The following DNAI7 variants were observed in gnomAD, a reference collection of about 807,000 sequenced individuals.
DNAI7 encodes the protein dynein axonemal intermediate chain 7, also known as cancer susceptibility 1.
In DNAI7, 78 loss-of-function variants were observed where a neutral mutation model predicts 86.6. The observed-to-expected ratio is 0.90, with a 90% confidence interval of 0.75 to 1.09. The LOEUF is 1.09. Among genes scored for constraint, DNAI7 ranks in the 50% least tolerant of loss-of-function variants. The pLI is 0.00. For synonymous variants in DNAI7, 274 were observed against 273.0 expected, an observed-to-expected ratio of 1.00 and a Z score of -0.04; for missense variants, 753 against 810.2, an observed-to-expected ratio of 0.93 and a Z score of 0.86.
rs1555181007 is a variant in DNAI7, at chr12:25,173,965, T to TATGGAATACATATATCATATAC, written c.22-12790_22-12769dup. Among the ~76,000 whole-genome samples the TATGGAATACATATATCATATAC allele has an allele frequency of 7.7e-5, 11 of 143,568 alleles. No homozygotes were observed. In the South Asian group the frequency reaches 1.3e-3, roughly 16 times the overall value. 94.2% of individuals were successfully genotyped at this position (143,568 alleles called of 152,430 possible). On this transcript the variant is annotated intron_variant, in intron 2 of 15. Transcript: ENST00000395987. ...ATATATGGAATACATATATCATATA[T>TATGGAATACATATATCATATAC]ATGGAATACATATATCATATACATG...
intron 1 of DNAI7, among the ~76,000 whole-genome samples, chr12:25,192,081 T>G (rs553977818): frequency 6.6e-5 from 10 of 152,358 alleles, no homozygotes; most frequent in African/African-American, 2.2e-4. Flanking sequence ...AGATATTAAT[T>G]AATGATTTAC....
At chr12:25,134,767 T>C (rs1943346228) in intron 9 of DNAI7, among the ~76,000 whole-genome samples, 1 of 152,174 alleles carries the variant, frequency 6.6e-6, no homozygotes, top group South Asian at 2.1e-4. Flanking sequence ...AAACTGGATG[T>C]AGTTAAACTC....
In DNAI7 at chr12:25,119,405, G is replaced by A. The variant is rs568745132; in HGVS notation, c.1240-104C>T. ...ATAGTTATTTTTAATAAGCACTGCA[G>A]TTTGATCCTATTTATATATAGATTA... On this transcript the variant is annotated intron_variant, in intron 11 of 15. Transcript: ENST00000395987. 54 of 633,588 alleles carry A rather than the reference G, an allele frequency of 8.5e-5. No individual in the cohort carries two copies. In the East Asian group the frequency reaches 1.3e-3, roughly 15 times the overall value. 39.2% of individuals were successfully genotyped at this position (633,588 alleles called of 1,614,324 possible).
intron 11 of DNAI7, among the ~76,000 whole-genome samples, chr12:25,120,672 C>T (rs10842473): frequency 6.6e-6 from 1 of 151,870 alleles, no homozygotes; most frequent in Non-Finnish European, 1.5e-5. Context: ...TTGCAGTGAG[C>T]CAAGACAGCG....
At chr12:25,163,477 ACC>A (rs1947069174) in intron 2 of DNAI7, among the ~76,000 whole-genome samples, 1 of 152,040 alleles carries the variant, frequency 6.6e-6, no homozygotes, top group Non-Finnish European at 1.5e-5. Flanking sequence ...ATTTTCCTTT[ACC>A]TACGCAAATC....
At chr12:25,135,167 G>A (rs1007218217) in intron 9 of DNAI7, among the ~76,000 whole-genome samples, 5 of 152,176 alleles carry the variant, frequency 3.3e-5, no homozygotes, top group Non-Finnish European at 5.9e-5. Flanking sequence ...AGTGTGAGGG[G>A]GGATAATCTG....
downstream of DNAI7, chr12:25,108,248 C>A: frequency 1.6e-6 from 1 of 619,792 alleles, no homozygotes; most frequent in Non-Finnish European, 2.7e-6. Flanking sequence ...AGAAGTCTGC[C>A]TATGATCTTT....
In DNAI7 at chr12:25,151,455, C is replaced by A. The variant is rs3809141; in HGVS notation, c.439-1681G>T. Reference sequence around the variant, plus strand: ...CTTTCCTATTGTTGTGATTACTCCCCTCTTCTGTCTCCTGTGTTATTGAAC... The same window carrying A: ...CTTTCCTATTGTTGTGATTACTCCCATCTTCTGTCTCCTGTGTTATTGAAC... On this transcript the variant is annotated intron_variant, in intron 6 of 15. Transcript: ENST00000395987. Among the ~76,000 whole-genome samples, 93 of 152,298 alleles carry A rather than the reference C, an allele frequency of 6.1e-4. No individual in the cohort carries two copies. The East Asian group carries it at 0.013, about 21-fold the overall frequency.
intron 1 of DNAI7, among the ~76,000 whole-genome samples, chr12:25,192,083 A>G (rs1950577581): frequency 1.3e-5 from 2 of 152,256 alleles, no homozygotes; most frequent in South Asian, 4.1e-4. Context: ...ATATTAATTA[A>G]TGATTTACAC....
intron 1 of DNAI7, among the ~76,000 whole-genome samples, chr12:25,191,293 C>A (rs1030691317): frequency 6.6e-6 from 1 of 152,120 alleles, no homozygotes; most frequent in Non-Finnish European, 1.5e-5. Flanking sequence ...GTGGTCCCAG[C>A]TACTTGGGAG....
chr12:25,143,246 A>ATTTT (rs56888487), intron 9 of DNAI7, among the ~76,000 whole-genome samples: 6 of 129,852 alleles, frequency 4.6e-5, no homozygotes, highest in Non-Finnish European at 4.9e-5. Flanking sequence ...AGTCTTCATA[A>ATTTT]TTTTTTTTTT....
chr12:25,180,325 G>A (rs1226541097), intron 2 of DNAI7, among the ~76,000 whole-genome samples: 1 of 152,148 alleles, frequency 6.6e-6, no homozygotes, highest in Non-Finnish European at 1.5e-5. Context: ...CATGCTCACG[G>A]ATTAGAAGAA....
At chr12:25,191,314 G>T (rs1950495297) in intron 1 of DNAI7, among the ~76,000 whole-genome samples, 1 of 152,090 alleles carries the variant, frequency 6.6e-6, no homozygotes, top group African/African-American at 2.4e-5. Context: ...GCTGAGGTGG[G>T]AAGATCACTT....
intron 12 of DNAI7, among the ~76,000 whole-genome samples, chr12:25,116,962 TCTCA>T (rs1472021145): frequency 5.3e-5 from 8 of 152,120 alleles, no homozygotes; most frequent in Non-Finnish European, 1.0e-4. Flanking sequence ...TGAGACAGGG[TCTCA>T]CTCTGTCACC....
rs1057494842 is a variant in DNAI7 at position 25,164,439 on chromosome 12, G to A, written c.22-3242C>T. The stretch of plus-strand genomic sequence containing the variant: ...CCCTCCATTCCCTTCTTCTCCCTTA[G>A]CCTGTGTTCTTAAAAACCTAAAACC... On this transcript the variant is annotated intron_variant, in intron 2 of 15. Transcript: ENST00000395987. Among the ~76,000 whole-genome samples, 32 of 151,902 alleles carry A rather than the reference G, an allele frequency of 2.1e-4. No homozygotes were observed. In the South Asian group the frequency reaches 2.7e-3, roughly 13 times the overall value.
chr12:25,191,541 A>G (rs1367213628), intron 1 of DNAI7, among the ~76,000 whole-genome samples: 5 of 152,076 alleles, frequency 3.3e-5, no homozygotes, highest in Admixed American at 1.3e-4. Context: ...CGTCTCTACT[A>G]AAAATACAGA....
intron 3 of DNAI7, 53 bp downstream of exon 3, chr12:25,161,060 C>T (rs1946788096): frequency 2.2e-6 from 3 of 1,354,206 alleles, no homozygotes; most frequent in Non-Finnish European, 3.2e-6. Context: ...AAAAGACCAA[C>T]CTATCGTGAC....
At chr12:25,194,109 C>T (rs1384834428) in intron 1 of DNAI7, among the ~76,000 whole-genome samples, 1 of 152,118 alleles carries the variant, frequency 6.6e-6, no homozygotes, top group Non-Finnish European at 1.5e-5. Context: ...GGTGAGCCAC[C>T]GCGCCAGGCC....
In DNAI7 at chr12:25,159,351, A is replaced by G. The variant is rs568441100; in HGVS notation, c.107-788T>C. The stretch of plus-strand genomic sequence containing the variant: ...TAACTCCTACTGATAGCTTCTTATC[A>G]AGAGTAATTTAAAACATCCATCATC... On this transcript the variant is annotated intron_variant, in intron 3 of 15. Transcript: ENST00000395987. Among the ~76,000 whole-genome samples, 62 of 152,292 alleles carry G rather than the reference A, an allele frequency of 4.1e-4. 1 individual carries two copies. The highest frequency in any genetic ancestry group is 1.4e-3 in the African/African-American group (58 of 41,560).
Sources: allele counts gnomAD v4.1 joint callset (sites outside exome capture counted in the v4.1 genomes callset), GRCh38; gene constraint gnomAD v4.1.1; transcripts MANE v1.5; gene names NCBI Gene and HGNC (gene_info 2026-07-23, HGNC 2026-07-21).